DNMBP: variants seen among roughly 807,000 people sequenced by gnomAD.
The protein encoded by DNMBP is dynamin binding protein, also known as dynamin-binding protein.
In DNMBP, 87 loss-of-function variants were observed where a neutral mutation model predicts 150.0. The observed-to-expected ratio is 0.58, with a 90% CI of 0.49 to 0.69. DNMBP has a LOEUF of 0.69. Ranked by LOEUF, DNMBP falls within the 30% of genes least tolerant of loss-of-function variation. DNMBP has a pLI of 0.00. For missense variants in DNMBP, 1,774 were observed against 1,949.0 expected (o/e 0.91, Z 1.69); for synonymous variants, 711 against 750.4 (o/e 0.95, Z 0.86).
chr10:99,916,213 A>T (rs2039963370), intron 4 of DNMBP, among the ~76,000 whole-genome samples: 2 of 152,226 alleles, frequency 1.3e-5, no homozygotes, highest in Non-Finnish European at 2.9e-5. Context: ...CTGTAATCCT[A>T]GCACTTTTGG....
Position 99,972,145 on chromosome 10 carries a change from A to C in DNMBP, c.-10-11T>G. ...TCCATGTTTTATAACCTGGAAAGAT[A>C]GATCAAGAGAAATAGAAAACATCAA... On this transcript the variant is annotated splice_polypyrimidine_tract_variant and intron_variant, in intron 1 of 16. Transcript: ENST00000324109. 1 of 1,597,916 alleles carries C rather than the reference A, an allele frequency of 6.3e-7. No homozygotes were observed. Among genetic ancestry groups the C allele is most frequent in the South Asian group, 1.1e-5 (1 of 88,370 alleles).
At chr10:99,943,300 A>G (rs1189543137) in intron 4 of DNMBP, among the ~76,000 whole-genome samples, 1 of 150,288 alleles carries the variant, frequency 6.7e-6, no homozygotes, top group Non-Finnish European at 1.5e-5. Context: ...AAAACCAACA[A>G]AAAAAAAAAA....
intron 4 of DNMBP, among the ~76,000 whole-genome samples, chr10:99,941,617 T>G (rs984012105): frequency 6.6e-6 from 1 of 152,044 alleles, no homozygotes; most frequent in East Asian, 1.9e-4. Flanking sequence ...TACAGGCATG[T>G]GCCACCATGC....
At chr10:99,904,009 G>C (rs2039785334) in intron 6 of DNMBP, among the ~76,000 whole-genome samples, 1 of 151,052 alleles carries the variant, frequency 6.6e-6, no homozygotes, top group South Asian at 2.1e-4. Context: ...TGCCCACCTT[G>C]CCTCGGCCTC....
intron 4 of DNMBP, among the ~76,000 whole-genome samples, chr10:99,922,562 G>A (rs2040036318): frequency 7.8e-6 from 1 of 129,010 alleles, no homozygotes; most frequent in Non-Finnish European, 1.6e-5. Context: ...TCTTGCCCAG[G>A]CTGGAGTGCA....
rs148004777 is a variant in DNMBP at position 100,008,026 on chromosome 10, C to T, written c.-11+1812G>A. Among the ~76,000 whole-genome samples the T allele has an allele frequency of 1.8e-3, 271 of 152,322 alleles. 2 individuals carry two copies. The highest frequency in any genetic ancestry group is 6.3e-3 in the African/African-American group (261 of 41,574). On this transcript the variant is annotated intron_variant, in intron 1 of 16. Coordinates refer to ENST00000324109, the MANE Select transcript of DNMBP (RefSeq NM_015221.4). ...CACAGGAGATAATCTCGTAATAATA[C>T]CATGTTGTAGGTAATCCATTAGCTG...
chr10:99,917,972 A>AG (rs1365523208), intron 4 of DNMBP, among the ~76,000 whole-genome samples: 1 of 106,984 alleles, frequency 9.3e-6, no homozygotes, highest in African/African-American at 3.5e-5. Flanking sequence ...CTGTCTCAAA[A>AG]AAAAAAAAAA....
At chr10:99,884,274 C>T in intron 14 of DNMBP, 65 bp from the exon 15 acceptor site, 1 of 1,394,868 alleles carries the variant, frequency 7.2e-7, no homozygotes, top group African/African-American at 1.4e-5. Context: ...TATTTCATCC[C>T]AACATGTGGC....
At chr10:99,979,517 G>A (rs929762272) in intron 1 of DNMBP, among the ~76,000 whole-genome samples, 4 of 152,106 alleles carry the variant, frequency 2.6e-5, no homozygotes, top group African/African-American at 9.7e-5. Flanking sequence ...GTGTTGTGTG[G>A]GAGATAAGTT....
chr10:99,915,234 C>T (rs2039952711), intron 4 of DNMBP, among the ~76,000 whole-genome samples: 3 of 149,290 alleles, frequency 2.0e-5, no homozygotes, highest in Admixed American at 6.7e-5. Flanking sequence ...CACACACACA[C>T]GCATATATAT....
chr10:99,990,388 C>A (rs2040872296), intron 1 of DNMBP, among the ~76,000 whole-genome samples: 1 of 151,726 alleles, frequency 6.6e-6, no homozygotes, highest in African/African-American at 2.4e-5. Flanking sequence ...CTCATCTCTA[C>A]TGAAAATACA....
intron 1 of DNMBP, among the ~76,000 whole-genome samples, chr10:99,973,017 A>G (rs2040694609): frequency 6.6e-6 from 1 of 152,180 alleles, no homozygotes; most frequent in Non-Finnish European, 1.5e-5. Context: ...CCTGGCCTCA[A>G]GTGATCTGCC....
At chr10:99,953,339 T>C (rs956953158) in intron 4 of DNMBP, among the ~76,000 whole-genome samples, 2 of 151,922 alleles carry the variant, frequency 1.3e-5, no homozygotes, top group African/African-American at 4.8e-5. Flanking sequence ...GCTCTAGTGA[T>C]CCTCCTACGT....
intron 4 of DNMBP, among the ~76,000 whole-genome samples, chr10:99,925,128 C>T (rs1040326504): frequency 2.6e-5 from 4 of 152,192 alleles, no homozygotes; most frequent in African/African-American, 7.2e-5. Flanking sequence ...ACTTTCCTAA[C>T]ACTTTTTTTT....
At chr10:99,940,247 G>A (rs2040279970) in intron 4 of DNMBP, among the ~76,000 whole-genome samples, 1 of 152,186 alleles carries the variant, frequency 6.6e-6, no homozygotes, top group African/African-American at 2.4e-5. Flanking sequence ...CTAGCTTAGA[G>A]GTTAAGTGCA....
intron 1 of DNMBP, among the ~76,000 whole-genome samples, chr10:100,004,264 T>C (rs1044727851): frequency 1.3e-5 from 2 of 150,190 alleles, no homozygotes; most frequent in Non-Finnish European, 3.0e-5. Flanking sequence ...AATATATATA[T>C]ATAAATATAT....
intron 4 of DNMBP, among the ~76,000 whole-genome samples, chr10:99,917,982 AAAAAAAAAG>A (rs2039983777): frequency 1.6e-5 from 2 of 122,032 alleles, no homozygotes; most frequent in Non-Finnish European, 1.8e-5. Flanking sequence ...AAAAAAAAAA[AAAAAAAAAG>A]AAAAGAAAGG....
intron 15 of DNMBP, among the ~76,000 whole-genome samples, chr10:99,880,805 A>C (rs1196869832): frequency 6.6e-6 from 1 of 152,250 alleles, no homozygotes; most frequent in Non-Finnish European, 1.5e-5. Context: ...AGACCGAGTT[A>C]AGAACCAGCC....
At chr10:99,913,394 C>A (rs1436846242) in intron 4 of DNMBP, among the ~76,000 whole-genome samples, 2 of 152,084 alleles carry the variant, frequency 1.3e-5, no homozygotes, top group South Asian at 2.1e-4. Context: ...CCACAATGGG[C>A]CCGAATATGC....
Sources: gnomAD v4.1 joint callset for allele counts (sites outside exome capture counted in the v4.1 genomes callset) on GRCh38, gnomAD v4.1.1 for gene constraint, MANE v1.5 for transcripts, NCBI Gene and HGNC (gene_info 2026-07-23, HGNC 2026-07-21) for gene names.